PHF24: variants seen among roughly 807,000 people sequenced by gnomAD.
PHF24 encodes PHD finger protein 24, also known as Galpha inhibitory interacting protein.
A neutral mutation model predicts 42.6 loss-of-function variants in PHF24; 25 were observed. The observed-to-expected ratio is 0.59, with a 90% CI of 0.43 to 0.82. The LOEUF (loss-of-function observed/expected upper bound fraction) is 0.82, where lower values mean the gene tolerates loss of function less well. PHF24 is among the 40% of genes least tolerant of loss of function. PHF24 has a pLI of 0.00. For synonymous variants in PHF24, 185 were observed against 204.8 expected, an observed-to-expected ratio of 0.90 and a Z score of 0.83; for missense variants, 470 against 538.1, an observed-to-expected ratio of 0.87 and a Z score of 1.25.
the PHF24 span, chr9:34,833,697 G>A: frequency 6.6e-7 from 1 of 1,517,400 alleles, no homozygotes; most frequent in Non-Finnish European, 9.0e-7. Context: ...TCTAGAGGCA[G>A]CGTCTCCATT....
the PHF24 span, among the ~76,000 whole-genome samples, chr9:34,768,493 T>C: frequency 1.3e-5 from 2 of 152,252 alleles, no homozygotes; most frequent in South Asian, 4.1e-4. Context: ...TTTTTTTCCC[T>C]TTCTGCATTT....
At chr9:34,840,874 T>C in the PHF24 span, among the ~76,000 whole-genome samples, 1 of 152,198 alleles carries the variant, frequency 6.6e-6, no homozygotes, top group South Asian at 2.1e-4. Flanking sequence ...TTTGCATAAA[T>C]ATATAAGTAT....
chr9:34,708,385 A>T, the PHF24 span, among the ~76,000 whole-genome samples: 1 of 152,174 alleles, frequency 6.6e-6, no homozygotes, highest in Non-Finnish European at 1.5e-5. Flanking sequence ...AGGGGCCCAG[A>T]TAGGAATAGA....
chr9:34,782,056 G>T, the PHF24 span, among the ~76,000 whole-genome samples: 1 of 152,168 alleles, frequency 6.6e-6, no homozygotes, highest in Non-Finnish European at 1.5e-5. Flanking sequence ...AGCTAGCTCT[G>T]GAATGTGAGA....
chr9:34,908,115 A>G, the PHF24 span, among the ~76,000 whole-genome samples: 4 of 152,288 alleles, frequency 2.6e-5, no homozygotes, highest in Admixed American at 2.6e-4. Flanking sequence ...TGCTGGGATT[A>G]TAGGCGTGAG....
the PHF24 span, among the ~76,000 whole-genome samples, chr9:34,754,190 A>G: frequency 6.6e-6 from 1 of 152,180 alleles, no homozygotes; most frequent in African/African-American, 2.4e-5. Context: ...CCGCACGCAA[A>G]GGAAACAATC....
chr9:34,879,472 A>G, the PHF24 span, among the ~76,000 whole-genome samples: 1 of 152,216 alleles, frequency 6.6e-6, no homozygotes, highest in East Asian at 1.9e-4. Context: ...TTGAAAAAAG[A>G]TTAGACGAAT....
the PHF24 span, among the ~76,000 whole-genome samples, chr9:34,674,744 T>G: frequency 1.6e-3 from 237 of 152,378 alleles, 1 homozygote; most frequent in African/African-American, 5.4e-3. Flanking sequence ...GTGTCCTTGG[T>G]GTATGTGAGT....
At chr9:34,873,213 A>C in the PHF24 span, among the ~76,000 whole-genome samples, 3 of 151,638 alleles carry the variant, frequency 2.0e-5, no homozygotes, top group African/African-American at 4.8e-5. Flanking sequence ...GTTTAATTAG[A>C]TCCCATTTGT....
At chr9:34,880,468 T>C in the PHF24 span, among the ~76,000 whole-genome samples, 5,292 of 152,160 alleles carry the variant, frequency 0.035, 126 homozygotes, top group Non-Finnish European at 0.047. Flanking sequence ...ACCCATCTCA[T>C]GTGCAGAGAC....
intron 1 of PHF24, among the ~76,000 whole-genome samples, chr9:34,961,136 T>G (rs1449272907): frequency 6.6e-6 from 1 of 152,252 alleles, no homozygotes; most frequent in African/African-American, 2.4e-5. Context: ...TGTTCCTAAG[T>G]GAATCACATT....
chr9:34,976,101 C>T, intron 3 of PHF24, 51 bp from the exon 4 acceptor site: 1 of 1,296,084 alleles, frequency 7.7e-7, no homozygotes, highest in Non-Finnish European at 1.1e-6. Context: ...TTGACCCTGG[C>T]CTTTCTTACT....
At chr9:34,730,830 C>T in the PHF24 span, among the ~76,000 whole-genome samples, 1 of 152,138 alleles carries the variant, frequency 6.6e-6, no homozygotes, top group Non-Finnish European at 1.5e-5. Context: ...CCAGCTCATG[C>T]TGAATCTAGG....
At chr9:34,892,139 G>T in the PHF24 span, among the ~76,000 whole-genome samples, 1 of 152,198 alleles carries the variant, frequency 6.6e-6, no homozygotes, top group African/African-American at 2.4e-5. Context: ...GCACATTGAG[G>T]CCTCAGTGCA....
chr9:34,720,517 C>G, the PHF24 span, among the ~76,000 whole-genome samples: 3 of 151,238 alleles, frequency 2.0e-5, no homozygotes, highest in East Asian at 5.8e-4. Context: ...TGCCCTTTTT[C>G]CAGCTCTTGG....
chr9:34,704,477 T>TCGTG, the PHF24 span, among the ~76,000 whole-genome samples: 1 of 121,474 alleles, frequency 8.2e-6, no homozygotes. Flanking sequence ...ATGATTTCAT[T>TCGTG]AGTGTGTGTG....
chr9:34,840,463 C>T, the PHF24 span, among the ~76,000 whole-genome samples: 2 of 151,516 alleles, frequency 1.3e-5, no homozygotes, highest in African/African-American at 4.9e-5. Context: ...CCTTGTTCTT[C>T]TTCTTCTCCT....
the PHF24 span, among the ~76,000 whole-genome samples, chr9:34,780,777 A>G: frequency 8.5e-5 from 13 of 152,308 alleles, no homozygotes; most frequent in African/African-American, 2.9e-4. Context: ...ATAAACCCCA[A>G]CTTTTAAAAT....
At chr9:34,917,114 CCTCGCT>C in the PHF24 span, 1 of 795,766 alleles carries the variant, frequency 1.3e-6, no homozygotes, top group South Asian at 1.3e-5. Flanking sequence ...CCTCTCCTCA[CCTCGCT>C]CTCGCGGCCT....
Sources: gnomAD v4.1 joint callset for allele counts (sites outside exome capture counted in the v4.1 genomes callset) on GRCh38, gnomAD v4.1.1 for gene constraint, MANE v1.5 for transcripts, NCBI Gene and HGNC (gene_info 2026-07-23, HGNC 2026-07-21) for gene names.